The following HECW1 variants were observed in gnomAD, a reference collection of about 807,000 sequenced individuals.
HECW1 encodes the protein E3 ubiquitin-protein ligase HECW1.
Under a neutral mutation model 182.3 loss-of-function variants are expected in HECW1, and 61 were observed. That is an observed-to-expected ratio of 0.33 (90% CI 0.27 to 0.41). The LOEUF (loss-of-function observed/expected upper bound fraction) is 0.41. Ranked by LOEUF, HECW1 falls within the 10% of genes least tolerant of loss-of-function variation. The pLI, the probability that HECW1 is intolerant of heterozygous loss-of-function variation, is 1.00. For synonymous variants in HECW1, 859 were observed against 832.6 expected (o/e 1.03, Z -0.55); for missense variants, 1,739 against 2,108.9 (o/e 0.82, Z 3.44).
intron 2 of HECW1, among the ~76,000 whole-genome samples, chr7:43,234,956 G>T (rs1798193056): frequency 6.6e-6 from 1 of 152,182 alleles, no homozygotes; most frequent in Admixed American, 6.5e-5. Flanking sequence ...ATGACTATCT[G>T]GGTCCCTGTG....
intron 6 of HECW1, among the ~76,000 whole-genome samples, chr7:43,361,568 C>A (rs1001107457): frequency 6.6e-6 from 1 of 152,108 alleles, no homozygotes; most frequent in African/African-American, 2.4e-5. Context: ...TAAGTCACTT[C>A]TTTTGTTCCC....
intron 8 of HECW1, among the ~76,000 whole-genome samples, chr7:43,422,669 T>A (rs1158065491): frequency 6.6e-6 from 1 of 152,128 alleles, no homozygotes. Flanking sequence ...GCACCCGGCC[T>A]TTAGAGGATA....
intron 3 of HECW1, among the ~76,000 whole-genome samples, chr7:43,264,667 A>G (rs938898816): frequency 3.3e-5 from 5 of 151,994 alleles, no homozygotes; most frequent in Non-Finnish European, 7.4e-5. Context: ...AACACAGTGA[A>G]CCCCGTCTCT....
At chr7:43,476,930 A>G (rs2078237832) in intron 16 of HECW1, among the ~76,000 whole-genome samples, 1 of 152,178 alleles carries the variant, frequency 6.6e-6, no homozygotes, top group South Asian at 2.1e-4. Flanking sequence ...TAGAAAATAA[A>G]GCAAACAAAT....
intron 28 of HECW1, 59 bp from the exon 29 acceptor site, chr7:43,554,533 C>A: frequency 6.9e-7 from 1 of 1,444,724 alleles, no homozygotes; most frequent in South Asian, 1.2e-5. Context: ...CTCTCTCCCT[C>A]CTCACCCCTT....
chr7:43,148,075 G>T (rs968088147), intron 2 of HECW1, among the ~76,000 whole-genome samples: 2 of 152,200 alleles, frequency 1.3e-5, no homozygotes, highest in African/African-American at 4.8e-5. Flanking sequence ...TTCTGGAAAT[G>T]AAACCTGAGA....
chr7:43,237,599 T>C (rs1798493807), intron 2 of HECW1, among the ~76,000 whole-genome samples: 1 of 152,190 alleles, frequency 6.6e-6, no homozygotes, highest in African/African-American at 2.4e-5. Context: ...TAGATTATTG[T>C]GAGGATCAAA....
At chr7:43,537,231 C>A (rs2081210524) in intron 24 of HECW1, among the ~76,000 whole-genome samples, 3 of 152,236 alleles carry the variant, frequency 2.0e-5, no homozygotes, top group Non-Finnish European at 4.4e-5. Flanking sequence ...TTCACACCCA[C>A]AGGCAGAGGG....
intron 2 of HECW1, among the ~76,000 whole-genome samples, chr7:43,199,719 GA>G (rs565482609): frequency 2.4e-3 from 363 of 152,112 alleles, no homozygotes; most frequent in African/African-American, 8.2e-3. Context: ...ATTTTTAGTA[GA>G]AAAAAATATA....
chr7:43,158,185 T>C (rs1156838537), intron 2 of HECW1, among the ~76,000 whole-genome samples: 1 of 152,204 alleles, frequency 6.6e-6, no homozygotes, highest in Non-Finnish European at 1.5e-5. Context: ...ACAACCACAT[T>C]GCTTCCAAAA....
chr7:43,539,233 T>G (rs1165942426), intron 24 of HECW1, among the ~76,000 whole-genome samples: 1 of 152,240 alleles, frequency 6.6e-6, no homozygotes, highest in Admixed American at 6.5e-5. Context: ...TCTTGTTGTA[T>G]CTTTTCCAGG....
chr7:43,402,233 C>T (rs1243463974), intron 7 of HECW1, among the ~76,000 whole-genome samples: 1 of 152,152 alleles, frequency 6.6e-6, no homozygotes, highest in Non-Finnish European at 1.5e-5. Flanking sequence ...TTAAGCCAGC[C>T]GCAGATGGCA....
At chr7:43,361,819 T>C (rs1171416465) in intron 6 of HECW1, among the ~76,000 whole-genome samples, 6 of 139,414 alleles carry the variant, frequency 4.3e-5, no homozygotes, top group Admixed American at 3.5e-4. Flanking sequence ...CTCTCTCTTT[T>C]TTTTTTTTTT....
rs2077780563 is a variant in HECW1, at chr7:43,466,386, T to C, written c.2792-61T>C. ...TGTGCTGCCACTGTCAGGAGCGAAG[T>C]ACAGAGGTTGAAATGCCTTTTTCCC... On this transcript the variant is annotated intron_variant, in intron 14 of 29. Transcript: ENST00000395891. The C allele has an allele frequency of 1.9e-6, 3 of 1,572,586 alleles. 1 individual carries two copies. In the East Asian group the frequency reaches 6.7e-5, roughly 35 times the overall value.
chr7:43,114,538 C>A (rs1784891473), intron 2 of HECW1, 147 bp downstream of exon 2: 1 of 678,272 alleles, frequency 1.5e-6, no homozygotes. Flanking sequence ...TGGTAGAATT[C>A]CCTGTTGCCT....
Position 43,286,415 on chromosome 7 carries a change from A to G in HECW1, c.28-25348A>G, listed in dbSNP as rs893310248. Among the ~76,000 whole-genome samples the G allele has an allele frequency of 9.9e-5, 15 of 152,186 alleles. 1 individual carries two copies. In the South Asian group the frequency reaches 3.1e-3, roughly 31 times the overall value. ...AAACCTTCAGAGATGTAGTGCAACC[A>G]GGATCGCTGACTTCTGCATTTTCCT... is the stretch of plus-strand genomic sequence containing the variant. On this transcript the variant is annotated intron_variant, in intron 3 of 29. Transcript: ENST00000395891.
chr7:43,508,078 G>C lies in HECW1; in HGVS notation c.3813G>C (p.Ser1271=), dbSNP rs370521844. Residue 1271 remains serine, a synonymous_variant, in exon 23 of 30, where the codon TCG becomes TCC. Transcript: ENST00000395891. ...EGTFNQVMAY[S]RKELQRNKLY... ...CCTTCAATCAGGTGATGGCCTATTC[G>C]CGGAAAGAGCTCCAGCGAAACAAGC... is the stretch of plus-strand genomic sequence containing the variant. 102 of 1,613,896 alleles carry C rather than the reference G, an allele frequency of 6.3e-5. No individual in the cohort carries two copies. Among genetic ancestry groups the C allele is most frequent in the Non-Finnish European group, 6.3e-5 (74 of 1,179,928 alleles).
intron 3 of HECW1, among the ~76,000 whole-genome samples, chr7:43,304,672 T>C (rs1807318720): frequency 6.6e-6 from 1 of 152,086 alleles, no homozygotes; most frequent in Admixed American, 6.5e-5. Context: ...TTTTGTATTT[T>C]TAGTAGAGAC....
intron 26 of HECW1, among the ~76,000 whole-genome samples, chr7:43,542,504 A>G (rs995239661): frequency 6.6e-6 from 1 of 151,194 alleles, no homozygotes; most frequent in Non-Finnish European, 1.5e-5. Flanking sequence ...GCTGAAAAAT[A>G]TTTCATTATG....
Sources: allele counts gnomAD v4.1 joint callset (sites outside exome capture counted in the v4.1 genomes callset), GRCh38; gene constraint gnomAD v4.1.1; transcripts MANE v1.5; gene names NCBI Gene and HGNC (gene_info 2026-07-23, HGNC 2026-07-21).